The following DHX35 variants were observed in gnomAD, a reference collection of about 807,000 sequenced individuals.
The protein encoded by DHX35 is DEAH-box helicase 35, also known as probable ATP-dependent RNA helicase DHX35.
A neutral mutation model predicts 99.6 loss-of-function variants in DHX35; 84 were observed. The observed-to-expected ratio is 0.84, with a 90% CI of 0.71 to 1.01. DHX35 has a LOEUF of 1.01. Ranked by LOEUF, DHX35 falls within the 50% of genes least tolerant of loss-of-function variation. The pLI is 0.00. For synonymous variants in DHX35, 331 were observed against 316.2 expected, an observed-to-expected ratio of 1.05 and a Z score of -0.50; for missense variants, 852 against 888.5, an observed-to-expected ratio of 0.96 and a Z score of 0.52.
chr20:38,978,652 C>T (rs1312297898), intron 3 of DHX35, among the ~76,000 whole-genome samples: 54 of 152,192 alleles, frequency 3.5e-4, no homozygotes. Context: ...TCTCTTCACT[C>T]TGTTGATTGT....
chr20:39,035,076 A>T (rs542849616), intron 21 of DHX35, among the ~76,000 whole-genome samples: 1 of 144,784 alleles, frequency 6.9e-6, no homozygotes, highest in Non-Finnish European at 1.5e-5. Flanking sequence ...TTTTATTTTT[A>T]TTTATTTATT....
chr20:39,004,318 GC>G lies in DHX35; in HGVS notation c.1011+413del, dbSNP rs113413874. On this transcript the variant is annotated intron_variant, in intron 11 of 21. Coordinates refer to ENST00000252011, the MANE Select transcript of DHX35 (RefSeq NM_021931.4). ...CTGACCTTGTGATCCGCCCACCTTG[GC>G]CTCCCAAAGTGCTGGGATTACAGGC... Among the ~76,000 whole-genome samples the G allele has an allele frequency of 3.8e-4, 58 of 152,304 alleles. 1 individual carries two copies. The highest frequency in any genetic ancestry group is 1.4e-3 in the African/African-American group (58 of 41,552).
chr20:39,004,596 G>T (rs1206555198), intron 11 of DHX35, among the ~76,000 whole-genome samples: 12 of 152,150 alleles, frequency 7.9e-5, no homozygotes, highest in African/African-American at 2.7e-4. Context: ...TATTTTAAAG[G>T]GCCAAGTTTA....
At chr20:38,995,401 A>G (rs1202374748) in intron 8 of DHX35, among the ~76,000 whole-genome samples, 4 of 152,048 alleles carry the variant, frequency 2.6e-5, no homozygotes, top group Admixed American at 6.5e-5. Flanking sequence ...GTACATGCCT[A>G]TAATCCCAGC....
rs1177455257 is a variant in DHX35 at position 39,034,303 on chromosome 20, T to C, written c.2053T>C (p.Tyr685His). The change falls in exon 21 of 22, where the codon TAT (tyrosine) becomes CAT (histidine). Residue 685 changes from tyrosine (Y) to histidine (H), a missense_variant. By Grantham distance (83) the Tyr-to-His change is moderately conservative. Transcript: ENST00000252011. ...AWLLELAPHF[Y>H]QQGTHLSLKA... ...GCTGTTGGAGCTGGCTCCACACTTT[T>C]ATCAACAAGGAACGGTAGGAATGAA... is the stretch of plus-strand genomic sequence containing the variant. 4.3e-6 allele frequency: 7 copies of C among 1,613,964 alleles called. No homozygotes were observed. In the East Asian group the frequency reaches 1.3e-4, roughly 31 times the overall value.
intron 3 of DHX35, chr20:38,977,635 C>T (rs2086102002): frequency 2.9e-6 from 1 of 342,436 alleles, no homozygotes; most frequent in South Asian, 2.7e-5. Context: ...GCAATGGAAC[C>T]TGGACAACAT....
intron 3 of DHX35, among the ~76,000 whole-genome samples, chr20:38,981,977 G>A (rs961644664): frequency 2.3e-4 from 34 of 150,466 alleles, no homozygotes; most frequent in Admixed American, 2.1e-3. Context: ...ATCATGATCC[G>A]GATGCTAGAG....
chr20:39,030,859 C>T lies in DHX35; in HGVS notation c.1955+84C>T, dbSNP rs535925396. On this transcript the variant is annotated intron_variant, in intron 20 of 21. Coordinates refer to ENST00000252011, the MANE Select transcript of DHX35 (RefSeq NM_021931.4). The stretch of plus-strand genomic sequence containing the variant: ...TTCTCCTGTACATGTTTCTTGACAT[C>T]GCCTCTAGAATTGCTGCTCTGGGCC... 67 of 1,460,568 alleles carry T rather than the reference C, an allele frequency of 4.6e-5. No individual in the cohort carries two copies. In the East Asian group the frequency reaches 1.1e-3, roughly 25 times the overall value. The allele number at this position is 1,460,568 out of a possible 1,614,324, so 90.5% of individuals were successfully genotyped here. A position where few individuals can be genotyped will look rare whatever the true frequency, so the allele number is the denominator to read the frequency against.
rs550181303 is a variant in DHX35 at position 38,965,252 on chromosome 20, C to G, written c.40+2845C>G. On this transcript the variant is annotated intron_variant, in intron 1 of 21. Coordinates refer to ENST00000252011, the MANE Select transcript of DHX35 (RefSeq NM_021931.4). ...GTGTTAGTCACTTTCATTTACACATCTTATTAAACAGTCACAGTATCTCTG... is the reference window on the plus strand; with the variant it reads ...GTGTTAGTCACTTTCATTTACACATGTTATTAAACAGTCACAGTATCTCTG... Among the ~76,000 whole-genome samples the G allele has an allele frequency of 2.6e-5, 4 of 152,350 alleles. No homozygotes were observed. The East Asian group carries it at 5.8e-4, about 22-fold the overall frequency.
At chr20:39,017,791 G>C (rs961781351) in intron 14 of DHX35, among the ~76,000 whole-genome samples, 1 of 152,236 alleles carries the variant, frequency 6.6e-6, no homozygotes, top group Non-Finnish European at 1.5e-5. Context: ...GGAGGCAGTT[G>C]CATGAACAGG....
intron 8 of DHX35, among the ~76,000 whole-genome samples, chr20:39,000,310 T>C (rs2086497742): frequency 6.6e-6 from 1 of 152,358 alleles, no homozygotes; most frequent in South Asian, 2.1e-4. Context: ...GATTATTTTA[T>C]GATCAACTCT....
intron 2 of DHX35, among the ~76,000 whole-genome samples, chr20:38,971,339 C>T (rs982752620): frequency 6.6e-5 from 10 of 152,084 alleles, no homozygotes; most frequent in East Asian, 3.9e-4. Context: ...GGCAACAGAG[C>T]GAGACTCCAT....
At chr20:39,012,930 T>A (rs2086727274) in intron 13 of DHX35, among the ~76,000 whole-genome samples, 5 of 152,224 alleles carry the variant, frequency 3.3e-5, no homozygotes, top group Admixed American at 3.3e-4. Flanking sequence ...ATACCGTTTC[T>A]GTCCCCATGG....
chr20:39,011,870 C>T (rs1370333401), intron 13 of DHX35, among the ~76,000 whole-genome samples: 3 of 152,146 alleles, frequency 2.0e-5, no homozygotes, highest in African/African-American at 7.2e-5. Flanking sequence ...ATATCAACTC[C>T]CCCAAAGAAA....
At chr20:38,967,940 C>G (rs921251297) in intron 1 of DHX35, among the ~76,000 whole-genome samples, 2 of 152,092 alleles carry the variant, frequency 1.3e-5, no homozygotes, top group African/African-American at 4.8e-5. Context: ...TCCCCCACCC[C>G]CCATTACAAC....
chr20:38,978,553 A>G (rs573342303), intron 3 of DHX35: 6 of 313,712 alleles, frequency 1.9e-5, no homozygotes, highest in Admixed American at 1.8e-4. Context: ...GTTTTTTGCT[A>G]TTGAATTGTT....
intron 19 of DHX35, chr20:39,030,324 A>G: frequency 4.9e-6 from 1 of 206,054 alleles, no homozygotes; most frequent in South Asian, 7.8e-5. Context: ...TATAGTCATT[A>G]TCTTTAGTAT....
intron 15 of DHX35, among the ~76,000 whole-genome samples, chr20:39,020,990 G>A (rs1255719166): frequency 6.6e-6 from 1 of 152,066 alleles, no homozygotes; most frequent in East Asian, 1.9e-4. Context: ...GTGTGGACTG[G>A]GGAAGTGCAT....
At chr20:39,001,196 G>C (rs1162626994) in intron 8 of DHX35, among the ~76,000 whole-genome samples, 2 of 152,194 alleles carry the variant, frequency 1.3e-5, no homozygotes, top group Non-Finnish European at 2.9e-5. Context: ...CACTACTGTA[G>C]GGCGTGTAAA....
Sources: gnomAD v4.1 joint callset for allele counts (sites outside exome capture counted in the v4.1 genomes callset) on GRCh38, gnomAD v4.1.1 for gene constraint, MANE v1.5 for transcripts, NCBI Gene and HGNC (gene_info 2026-07-23, HGNC 2026-07-21) for gene names.